Variants in POU2AF2 observed in about 807,000 individuals in gnomAD.
POU2AF2 encodes POU domain class 2-associating factor 2.
chr11:111,278,556 GTCTCTCTCTC>G, the POU2AF2 span, among the ~76,000 whole-genome samples: 5,996 of 148,428 alleles, frequency 0.04, 411 homozygotes, highest in African/African-American at 0.14. Flanking sequence ...CTCTCTCTCT[GTCTCTCTCTC>G]TCTCTCTCTC....
At chr11:111,264,080 A>C in the POU2AF2 span, among the ~76,000 whole-genome samples, 2 of 152,200 alleles carry the variant, frequency 1.3e-5, no homozygotes, top group East Asian at 3.9e-4. Context: ...GTAAGAAATT[A>C]TAAGTGATTA....
the POU2AF2 span, among the ~76,000 whole-genome samples, chr11:111,257,753 T>A: frequency 1.3e-5 from 2 of 152,330 alleles, no homozygotes; most frequent in East Asian, 1.9e-4. Context: ...TCTGAATAAT[T>A]GGCTCCTTGT....
chr11:111,284,067 T>C, the POU2AF2 span: 1 of 1,605,728 alleles, frequency 6.2e-7, no homozygotes, highest in Non-Finnish European at 8.5e-7. Context: ...GTTTTTCATT[T>C]GGCAACAGGT....
At chr11:111,266,767 T>C in the POU2AF2 span, among the ~76,000 whole-genome samples, 44 of 152,276 alleles carry the variant, frequency 2.9e-4, no homozygotes, top group African/African-American at 1.1e-3. Flanking sequence ...TTTCAGAGGG[T>C]GGTACCCATA....
chr11:111,276,792 G>A, the POU2AF2 span, among the ~76,000 whole-genome samples: 34 of 149,580 alleles, frequency 2.3e-4, no homozygotes, highest in East Asian at 2.3e-3. Context: ...TGAATCCAGC[G>A]GTATTATCTT....
chr11:111,259,523 C>A, the POU2AF2 span, among the ~76,000 whole-genome samples: 1 of 151,986 alleles, frequency 6.6e-6, no homozygotes, highest in Non-Finnish European at 1.5e-5. Flanking sequence ...ACCATGTTGG[C>A]CAGACTGGTC....
At chr11:111,278,255 A>C in the POU2AF2 span, among the ~76,000 whole-genome samples, 1 of 152,186 alleles carries the variant, frequency 6.6e-6, no homozygotes, top group Non-Finnish European at 1.5e-5. Context: ...AGCTAATAAG[A>C]GGTAGAGCTG....
At chr11:111,276,336 A>G in the POU2AF2 span, among the ~76,000 whole-genome samples, 1 of 150,792 alleles carries the variant, frequency 6.6e-6, no homozygotes, top group Non-Finnish European at 1.5e-5. Flanking sequence ...GGTGGCTCCT[A>G]CCTGTAATCC....
chr11:111,256,789 C>T, the POU2AF2 span, among the ~76,000 whole-genome samples: 1 of 152,190 alleles, frequency 6.6e-6, no homozygotes, highest in Non-Finnish European at 1.5e-5. Context: ...TTCCCCAAGC[C>T]ATGGATTACC....
At chr11:111,280,051 A>ATATAT in the POU2AF2 span, among the ~76,000 whole-genome samples, 144 of 63,886 alleles carry the variant, frequency 2.3e-3, 1 homozygote, top group South Asian at 0.034. Context: ...AAAAAAAAAA[A>ATATAT]AAAAAAATAT....
chr11:111,262,808 GTA>G, the POU2AF2 span, among the ~76,000 whole-genome samples: 1 of 152,086 alleles, frequency 6.6e-6, no homozygotes, highest in Non-Finnish European at 1.5e-5. Flanking sequence ...ATTTTACTGT[GTA>G]TAACTGATGT....
At chr11:111,264,957 G>A in the POU2AF2 span, among the ~76,000 whole-genome samples, 1 of 146,366 alleles carries the variant, frequency 6.8e-6, no homozygotes, top group Non-Finnish European at 1.5e-5. Context: ...GGAGGGAGAG[G>A]AAGGAAGGAA....
the POU2AF2 span, among the ~76,000 whole-genome samples, chr11:111,265,977 T>G: frequency 6.6e-6 from 1 of 152,098 alleles, no homozygotes; most frequent in Non-Finnish European, 1.5e-5. Flanking sequence ...AACTCCAACC[T>G]GGTGCATTTC....
At chr11:111,264,067 G>A in the POU2AF2 span, among the ~76,000 whole-genome samples, 1 of 152,118 alleles carries the variant, frequency 6.6e-6, no homozygotes, top group Non-Finnish European at 1.5e-5. Flanking sequence ...GCTCAGTTGT[G>A]GGGTAAGAAA....
At chr11:111,275,635 C>A in the POU2AF2 span, among the ~76,000 whole-genome samples, 2 of 152,266 alleles carry the variant, frequency 1.3e-5, 1 homozygote. Context: ...AATCAAAGAT[C>A]ACCCATGCGT....
At chr11:111,257,702 T>C in the POU2AF2 span, among the ~76,000 whole-genome samples, 14 of 152,286 alleles carry the variant, frequency 9.2e-5, no homozygotes, top group African/African-American at 3.4e-4. Context: ...CCACCACCTC[T>C]CTTCTAGTTA....
chr11:111,261,363 C>T, the POU2AF2 span, among the ~76,000 whole-genome samples: 2 of 151,638 alleles, frequency 1.3e-5, no homozygotes, highest in African/African-American at 4.9e-5. Flanking sequence ...AGCTAAACAT[C>T]GAATTATTTT....
the POU2AF2 span, chr11:111,245,937 A>G: frequency 2.5e-6 from 1 of 397,854 alleles, no homozygotes; most frequent in Non-Finnish European, 4.4e-6. Flanking sequence ...ACAAAGTCAT[A>G]ACATAAAACA....
chr11:111,277,934 T>C, the POU2AF2 span, among the ~76,000 whole-genome samples: 1 of 152,204 alleles, frequency 6.6e-6, no homozygotes, highest in Non-Finnish European at 1.5e-5. Flanking sequence ...TACATGGGAA[T>C]ATGTGCCCAA....
Sources: allele counts gnomAD v4.1 joint callset (sites outside exome capture counted in the v4.1 genomes callset), GRCh38; gene constraint gnomAD v4.1.1; transcripts MANE v1.5; gene names NCBI Gene and HGNC (gene_info 2026-07-23, HGNC 2026-07-21).